XKR4: variants seen among roughly 807,000 people sequenced by gnomAD.
XKR4 encodes XK related 4.
In XKR4, 12 loss-of-function variants were observed where a neutral mutation model predicts 53.9. The ratio of observed to expected loss-of-function variants is 0.22; its 90% confidence interval spans 0.14 to 0.36. The LOEUF (loss-of-function observed/expected upper bound fraction) is 0.36. Ranked by LOEUF, XKR4 falls within the 10% of genes least tolerant of loss-of-function variation. XKR4 has a pLI of 1.00. For missense variants in XKR4, 799 were observed against 859.5 expected (o/e 0.93, Z 0.88); for synonymous variants, 354 against 362.4 (o/e 0.98, Z 0.26).
chr8:55,152,320 A>G (rs1195121150), intron 1 of XKR4, among the ~76,000 whole-genome samples: 2 of 152,190 alleles, frequency 1.3e-5, no homozygotes, highest in Non-Finnish European at 2.9e-5. Context: ...GATAGATTCT[A>G]TGTAATTTTA....
intron 1 of XKR4, among the ~76,000 whole-genome samples, chr8:55,303,886 C>T (rs1014588178): frequency 2.0e-5 from 3 of 152,058 alleles, no homozygotes; most frequent in African/African-American, 7.2e-5. Flanking sequence ...ATTCTTCTCT[C>T]TTTTCTTCTT....
chr8:55,506,395 GCA>G (rs150359164), intron 2 of XKR4, among the ~76,000 whole-genome samples: 121 of 152,254 alleles, frequency 7.9e-4, no homozygotes, highest in African/African-American at 2.8e-3. Flanking sequence ...TGCAGATCAG[GCA>G]CACACTATAG....
intron 1 of XKR4, among the ~76,000 whole-genome samples, chr8:55,345,969 A>G (rs953600821): frequency 2.0e-5 from 3 of 152,152 alleles, no homozygotes; most frequent in African/African-American, 7.2e-5. Context: ...GAAGATATCT[A>G]GAGTAGTCAA....
At chr8:55,513,984 G>T (rs1331480560) in intron 2 of XKR4, among the ~76,000 whole-genome samples, 3 of 152,148 alleles carry the variant, frequency 2.0e-5, no homozygotes, top group Non-Finnish European at 1.5e-5. Context: ...CATCTGTTTA[G>T]GTATTTATGG....
intron 1 of XKR4, among the ~76,000 whole-genome samples, chr8:55,346,045 G>A (rs570462990): frequency 7.1e-4 from 107 of 150,798 alleles, no homozygotes; most frequent in South Asian, 1.9e-3. Flanking sequence ...ATGGAGAATC[G>A]TTGTTTAGTG....
At chr8:55,193,236 T>A (rs1395319874) in intron 1 of XKR4, among the ~76,000 whole-genome samples, 1 of 152,150 alleles carries the variant, frequency 6.6e-6, no homozygotes, top group Non-Finnish European at 1.5e-5. Context: ...CCTTCGTGCT[T>A]GCATGAGGAT....
At chr8:55,292,693 T>G (rs1246343522) in intron 1 of XKR4, among the ~76,000 whole-genome samples, 1 of 152,152 alleles carries the variant, frequency 6.6e-6, no homozygotes, top group Non-Finnish European at 1.5e-5. Context: ...TTCATTTACC[T>G]CTTTCTTTCT....
At chr8:55,357,578 T>A in intron 1 of XKR4, 100 bp from the exon 2 acceptor site, 1 of 1,242,956 alleles carries the variant, frequency 8.0e-7, no homozygotes, top group Non-Finnish European at 1.1e-6. Flanking sequence ...TTTCTTGTGC[T>A]TGCTTGCATA....
chr8:55,283,931 C>A (rs1270512822), intron 1 of XKR4, among the ~76,000 whole-genome samples: 1 of 152,140 alleles, frequency 6.6e-6, no homozygotes, highest in African/African-American at 2.4e-5. Context: ...AACTAGATAA[C>A]CAAATTGTGA....
In XKR4 at chr8:55,515,332, C is replaced by T. The variant is rs148101263; in HGVS notation, c.1007-7949C>T. ...AGGGATACTGAGAAAGCCCTAGACC[C>T]GGTGGAGCTTGTATTACCTTCCTTC... is the stretch of plus-strand genomic sequence containing the variant. On this transcript the variant is annotated intron_variant, in intron 2 of 2. Coordinates refer to ENST00000327381, the MANE Select transcript of XKR4 (RefSeq NM_052898.2). Among the ~76,000 whole-genome samples, 1,065 of 152,220 alleles carry T rather than the reference C, an allele frequency of 7.0e-3. 16 individuals are homozygous for T. Among genetic ancestry groups the T allele is most frequent in the Non-Finnish European group, 0.011 (748 of 68,010 alleles).
At chr8:55,455,089 C>T (rs1279040900) in intron 2 of XKR4, 3 of 675,818 alleles carry the variant, frequency 4.4e-6, no homozygotes, top group South Asian at 1.5e-5. Context: ...CACTCCCGCG[C>T]GGGTGCGGCC....
chr8:55,360,844 G>A (rs1342102620), intron 2 of XKR4, among the ~76,000 whole-genome samples: 2 of 152,226 alleles, frequency 1.3e-5, no homozygotes, highest in Non-Finnish European at 2.9e-5. Flanking sequence ...ACTGTCAGCT[G>A]CTTCTCCTTC....
chr8:55,117,164 G>T (rs1816321521), intron 1 of XKR4, among the ~76,000 whole-genome samples: 1 of 152,120 alleles, frequency 6.6e-6, no homozygotes, highest in Non-Finnish European at 1.5e-5. Flanking sequence ...TATGTGGCTT[G>T]CATTATTCTA....
At chr8:55,123,405 C>T (rs1816418641) in intron 1 of XKR4, among the ~76,000 whole-genome samples, 1 of 152,164 alleles carries the variant, frequency 6.6e-6, no homozygotes, top group Admixed American at 6.5e-5. Context: ...TGCCCCTGGC[C>T]TCCTTGTTGA....
intron 2 of XKR4, among the ~76,000 whole-genome samples, chr8:55,432,696 A>G (rs1293178380): frequency 1.3e-5 from 2 of 152,190 alleles, no homozygotes; most frequent in Non-Finnish European, 2.9e-5. Flanking sequence ...TCATATTCCT[A>G]TTGCTCCCAT....
intron 1 of XKR4, among the ~76,000 whole-genome samples, chr8:55,272,523 C>T (rs1410093911): frequency 6.6e-6 from 1 of 152,182 alleles, no homozygotes; most frequent in Non-Finnish European, 1.5e-5. Flanking sequence ...AGGCTTAGAA[C>T]CTCTTTGACA....
chr8:55,211,621 T>C (rs532981345), intron 1 of XKR4, among the ~76,000 whole-genome samples: 1 of 152,364 alleles, frequency 6.6e-6, no homozygotes, highest in African/African-American at 2.4e-5. Flanking sequence ...GGCATGGGTT[T>C]TCAATTTTTA....
At chr8:55,431,005 G>A (rs1279784192) in intron 2 of XKR4, among the ~76,000 whole-genome samples, 4 of 152,176 alleles carry the variant, frequency 2.6e-5, no homozygotes, top group Admixed American at 6.5e-5. Context: ...GCAGGGAGGC[G>A]AACTGAGTAA....
chr8:55,330,288 G>A (rs1275297953), intron 1 of XKR4, among the ~76,000 whole-genome samples: 1 of 152,092 alleles, frequency 6.6e-6, no homozygotes, highest in African/African-American at 2.4e-5. Flanking sequence ...CTAGGTAGGG[G>A]ACTTCTCTCC....
Sources: allele counts gnomAD v4.1 joint callset (sites outside exome capture counted in the v4.1 genomes callset), GRCh38; gene constraint gnomAD v4.1.1; transcripts MANE v1.5; gene names NCBI Gene and HGNC (gene_info 2026-07-23, HGNC 2026-07-21).